The following SHISA9 variants were observed in gnomAD, a reference collection of about 807,000 sequenced individuals.
The protein encoded by SHISA9 is shisa family member 9.
Under a neutral mutation model 38.0 loss-of-function variants are expected in SHISA9, and 13 were observed. The observed-to-expected ratio is 0.34, with a 90% CI of 0.22 to 0.54. The LOEUF is 0.54. SHISA9 is among the 20% of genes least tolerant of loss of function. The probability of loss-of-function intolerance (pLI) is 0.91; values close to 1 mark genes in which losing one functional copy is unlikely to be tolerated. For synonymous variants in SHISA9, 275 were observed against 242.0 expected, an observed-to-expected ratio of 1.14 and a Z score of -1.27; for missense variants, 538 against 575.8, an observed-to-expected ratio of 0.93 and a Z score of 0.67.
intron 2 of SHISA9, among the ~76,000 whole-genome samples, chr16:13,132,293 A>C (rs910332422): frequency 2.6e-5 from 4 of 152,160 alleles, no homozygotes; most frequent in Admixed American, 2.6e-4. Context: ...AAAACAGTTA[A>C]ATGTAAAGCA....
the SHISA9 span, among the ~76,000 whole-genome samples, chr16:13,443,724 C>G: frequency 6.6e-6 from 1 of 152,210 alleles, no homozygotes; most frequent in African/African-American, 2.4e-5. Flanking sequence ...TATGACACAC[C>G]TGGGAAAGAT....
At chr16:13,280,876 A>G in the SHISA9 span, among the ~76,000 whole-genome samples, 2 of 151,838 alleles carry the variant, frequency 1.3e-5, no homozygotes, top group African/African-American at 4.8e-5. Context: ...AACTACATCA[A>G]AATAAAAACC....
the SHISA9 span, among the ~76,000 whole-genome samples, chr16:13,413,081 T>A: frequency 3.3e-5 from 5 of 152,150 alleles, no homozygotes; most frequent in Non-Finnish European, 5.9e-5. Context: ...CTAGATCAGA[T>A]GAAAACTCGG....
At chr16:13,058,810 T>A (rs916209812) in intron 2 of SHISA9, among the ~76,000 whole-genome samples, 2 of 151,664 alleles carry the variant, frequency 1.3e-5, no homozygotes, top group Non-Finnish European at 2.9e-5. Flanking sequence ...GGGAGATGTC[T>A]CCCATAGCTA....
chr16:13,471,601 C>A, the SHISA9 span, among the ~76,000 whole-genome samples: 1 of 152,086 alleles, frequency 6.6e-6, no homozygotes, highest in Non-Finnish European at 1.5e-5. Context: ...ATTGAGGTGG[C>A]CACAGGAAGA....
At chr16:12,974,541 A>G (rs867076033) in intron 2 of SHISA9, among the ~76,000 whole-genome samples, 5 of 127,446 alleles carry the variant, frequency 3.9e-5, no homozygotes, top group African/African-American at 1.5e-4. Context: ...GCTGGAGTGA[A>G]GTGGTGCAAT....
intron 2 of SHISA9, among the ~76,000 whole-genome samples, chr16:13,108,599 T>TA (rs2073948821): frequency 6.6e-6 from 1 of 152,068 alleles, no homozygotes; most frequent in Non-Finnish European, 1.5e-5. Context: ...AACCAACCGT[T>TA]ACCTCAAGAC....
At chr16:12,951,618 G>T (rs1265580596) in intron 2 of SHISA9, among the ~76,000 whole-genome samples, 1 of 152,180 alleles carries the variant, frequency 6.6e-6, no homozygotes, top group African/African-American at 2.4e-5. Context: ...TACTCATATT[G>T]GCTGGGGATG....
the SHISA9 span, among the ~76,000 whole-genome samples, chr16:13,545,020 C>T: frequency 2.0e-5 from 3 of 152,240 alleles, no homozygotes; most frequent in African/African-American, 7.2e-5. Flanking sequence ...CCTTATTTTC[C>T]TCATCATCAC....
the SHISA9 span, among the ~76,000 whole-genome samples, chr16:13,503,300 A>C: frequency 2.0e-5 from 3 of 152,358 alleles, no homozygotes; most frequent in Non-Finnish European, 2.9e-5. Context: ...CTTAAAGTCC[A>C]TGATAAGCTC....
chr16:13,102,242 A>T (rs553392168), intron 2 of SHISA9, among the ~76,000 whole-genome samples: 8 of 152,150 alleles, frequency 5.3e-5, no homozygotes, highest in Non-Finnish European at 1.0e-4. Flanking sequence ...ATCAGTTATG[A>T]TTGTGCTACC....
chr16:12,925,435 T>TTG lies in SHISA9; in HGVS notation c.691+8630_691+8631dup, dbSNP rs1555500760. The stretch of plus-strand genomic sequence containing the variant: ...TTATATTTGCACCCAGAAAATGAGA[T>TTG]TGTGTGTGTGTATGTGTGTGTGTGT... On this transcript the variant is annotated intron_variant, in intron 2 of 4. Transcript: ENST00000558583. 7.5e-3 allele frequency among the ~76,000 whole-genome samples: 509 copies of TTG among 68,038 alleles called. 5 individuals carry two copies. The highest frequency in any genetic ancestry group is 0.019 in the African/African-American group (439 of 22,630). 44.6% of individuals were successfully genotyped at this position (68,038 alleles called of 152,430 possible). A position where few individuals can be genotyped will look rare whatever the true frequency, so the allele number is the denominator to read the frequency against.
chr16:13,006,163 T>C (rs1325769022), intron 2 of SHISA9, among the ~76,000 whole-genome samples: 1 of 152,136 alleles, frequency 6.6e-6, no homozygotes, highest in Non-Finnish European at 1.5e-5. Flanking sequence ...ATGTGAGCGT[T>C]TGCATGATTT....
chr16:12,930,859 A>G (rs1020647898), intron 2 of SHISA9, among the ~76,000 whole-genome samples: 2 of 152,178 alleles, frequency 1.3e-5, no homozygotes, highest in African/African-American at 2.4e-5. Flanking sequence ...AGGGAAAAAA[A>G]CCCATAACAA....
At chr16:13,182,639 T>C (rs2050787962) in intron 2 of SHISA9, among the ~76,000 whole-genome samples, 1 of 152,232 alleles carries the variant, frequency 6.6e-6, no homozygotes, top group South Asian at 2.1e-4. Context: ...CAAACTAAGA[T>C]GTTTTTCTGA....
chr16:13,228,093 C>T (rs2051296646), intron 4 of SHISA9, among the ~76,000 whole-genome samples: 1 of 152,172 alleles, frequency 6.6e-6, no homozygotes, highest in Non-Finnish European at 1.5e-5. Flanking sequence ...TTAATATTAT[C>T]CCCATTTCAC....
intron 2 of SHISA9, among the ~76,000 whole-genome samples, chr16:13,066,354 C>A (rs1464046987): frequency 6.6e-6 from 1 of 152,078 alleles, no homozygotes; most frequent in East Asian, 1.9e-4. Context: ...TTTATTTTTT[C>A]TTTTTCCTCT....
chr16:12,978,839 G>T (rs193287344), intron 2 of SHISA9, among the ~76,000 whole-genome samples: 1 of 152,334 alleles, frequency 6.6e-6, no homozygotes, highest in Non-Finnish European at 1.5e-5. Flanking sequence ...ATAGATGAGT[G>T]TGAGACAAAA....
chr16:12,940,625 C>G (rs748449997), intron 2 of SHISA9, among the ~76,000 whole-genome samples: 29 of 152,200 alleles, frequency 1.9e-4, no homozygotes, highest in Non-Finnish European at 3.4e-4. Context: ...CACCATTGCT[C>G]CATATGCAAG....
Sources: gnomAD v4.1 joint callset for allele counts (sites outside exome capture counted in the v4.1 genomes callset) on GRCh38, gnomAD v4.1.1 for gene constraint, MANE v1.5 for transcripts, NCBI Gene and HGNC (gene_info 2026-07-23, HGNC 2026-07-21) for gene names.